PCNX1: variants seen among roughly 807,000 people sequenced by gnomAD.
PCNX1 encodes the protein pecanex 1.
Under a neutral mutation model 242.2 loss-of-function variants are expected in PCNX1, and 78 were observed. The ratio of observed to expected loss-of-function variants is 0.32; its 90% CI spans 0.27 to 0.39. The LOEUF is 0.39. PCNX1 is among the 10% of genes least tolerant of loss of function. PCNX1 has a pLI of 1.00. For missense variants in PCNX1, 2,581 were observed against 2,856.5 expected, an observed-to-expected ratio of 0.90 and a Z score of 2.20; for synonymous variants, 1,024 against 1,032.9, an observed-to-expected ratio of 0.99 and a Z score of 0.17.
rs2062811618 is a variant in PCNX1, at chr14:71,114,302, A to G, written c.*4367A>G. ...TTTGTTTTTAATTTGGTTGATTGAT[A>G]TGCACCCAGGCCGTCTTATTTTTAC... On this transcript the variant is annotated 3_prime_UTR_variant, in exon 36 of 36. Transcript: ENST00000304743. 6.6e-6 allele frequency: 1 copy of G among 152,156 alleles called. No individual in the cohort carries two copies. The highest frequency in any genetic ancestry group is 2.4e-5 in the African/African-American group (1 of 41,438). 9.4% of individuals were successfully genotyped at this position (152,156 alleles called of 1,614,324 possible). A position where few individuals can be genotyped will look rare whatever the true frequency, so the allele number is the denominator to read the frequency against.
chr14:71,025,542 T>C (rs1271759512), intron 13 of PCNX1, among the ~76,000 whole-genome samples: 1 of 152,112 alleles, frequency 6.6e-6, no homozygotes, highest in Non-Finnish European at 1.5e-5. Context: ...AGCTAGGAAG[T>C]GTATGTATGT....
chr14:71,039,479 G>A (rs916169129), intron 19 of PCNX1, among the ~76,000 whole-genome samples: 2 of 152,190 alleles, frequency 1.3e-5, no homozygotes, highest in African/African-American at 4.8e-5. Flanking sequence ...TTCCCCCAGA[G>A]CAAGTGGTCC....
rs1364543821 is a variant in PCNX1 at position 71,111,313 on chromosome 14, T to A, written c.*1378T>A. Reference sequence around the variant, plus strand: ...AAATCCTTGATAAAATTTTCCCTTTTGGTGTGAAACTCCAAAGAAAATTGT... The same window carrying A: ...AAATCCTTGATAAAATTTTCCCTTTAGGTGTGAAACTCCAAAGAAAATTGT... On this transcript the variant is annotated 3_prime_UTR_variant, in exon 36 of 36. Coordinates refer to ENST00000304743, the MANE Select transcript of PCNX1 (RefSeq NM_014982.3). 6.6e-6 allele frequency: 1 copy of A among 152,658 alleles called. No individual in the cohort carries two copies. The highest frequency in any genetic ancestry group is 1.9e-4 in the East Asian group (1 of 5,206). 9.5% of individuals were successfully genotyped at this position (152,658 alleles called of 1,614,324 possible). A position where few individuals can be genotyped will look rare whatever the true frequency, so the allele number is the denominator to read the frequency against.
intron 26 of PCNX1, among the ~76,000 whole-genome samples, chr14:71,071,517 C>G (rs1226253823): frequency 6.6e-6 from 1 of 152,074 alleles, no homozygotes; most frequent in East Asian, 1.9e-4. Context: ...AGTGAGTCCT[C>G]ATGTGATCTG....
chr14:70,985,379 A>T (rs997504583), intron 6 of PCNX1, among the ~76,000 whole-genome samples: 12 of 151,794 alleles, frequency 7.9e-5, no homozygotes, highest in African/African-American at 2.9e-4. Context: ...CACACCCGCT[A>T]ATTTTTGTAT....
rs1423265351 is a variant in PCNX1, at chr14:71,109,813, C to T, written c.6904C>T (p.Pro2302Ser). The change falls in exon 36 of 36, where the codon CCT becomes TCT. Residue 2302 changes from proline to serine, a missense_variant. Coordinates refer to ENST00000304743, the MANE Select transcript of PCNX1 (RefSeq NM_014982.3). The stretch of plus-strand genomic sequence containing the variant: ...TCATTAGGTGATTCACCGATGGGTG[C>T]CTTGCAGCAGAGATCCAGGTACCAG... ...MEGHVIHRWV[P>S]CSRDPGTRSH... The T allele has an allele frequency of 6.2e-7, 1 of 1,613,686 alleles. No homozygotes were observed. Among genetic ancestry groups the T allele is most frequent in the East Asian group, 2.2e-5 (1 of 44,864 alleles).
chr14:70,988,792 G>T, intron 7 of PCNX1, 93 bp downstream of exon 7: 1 of 1,421,076 alleles, frequency 7.0e-7, no homozygotes, highest in Non-Finnish European at 9.6e-7. Context: ...GAAGAGCTTT[G>T]TTTTTCTTTT....
chr14:70,993,858 TTAGA>T (rs2059246816), intron 7 of PCNX1, among the ~76,000 whole-genome samples: 1 of 152,232 alleles, frequency 6.6e-6, no homozygotes, highest in East Asian at 1.9e-4. Flanking sequence ...GTGGATAAGT[TTAGA>T]TAGATTCTGA....
chr14:70,982,341 A>G (rs2058862979), intron 6 of PCNX1, among the ~76,000 whole-genome samples: 4 of 152,238 alleles, frequency 2.6e-5, no homozygotes, highest in Non-Finnish European at 4.4e-5. Flanking sequence ...AAGCTGAAGT[A>G]ATGACAGCAG....
In PCNX1 at chr14:71,108,649, A is replaced by G; in HGVS notation, c.6347A>G (p.Gln2116Arg). ...SHSVQSGLVR[Q>R]SPARASVASQ... ...TCTGTGCAGTCGGGCCTGGTCAGAC[A>G]GTCTCCTGCCCGGGCCTCAGTAGCC... is the stretch of plus-strand genomic sequence containing the variant. Residue 2116 changes from glutamine (Q) to arginine (R), a missense_variant, in exon 34 of 36, where the codon CAG becomes CGG. Gln to Arg is a conservative substitution (Grantham distance 43, BLOSUM62 1). Transcript: ENST00000304743. The G allele has an allele frequency of 6.2e-7, 1 of 1,614,134 alleles. No individual in the cohort carries two copies. The highest frequency in any genetic ancestry group is 1.1e-5 in the South Asian group (1 of 91,070).
chr14:71,005,001 A>G (rs1595208395), intron 8 of PCNX1, among the ~76,000 whole-genome samples: 1 of 152,168 alleles, frequency 6.6e-6, no homozygotes, highest in Non-Finnish European at 1.5e-5. Context: ...AAGTCAGTGT[A>G]GACAGTGCAT....
rs1177990388 is a variant in PCNX1, at chr14:70,977,474, T to C, written c.1137T>C (p.Ser379=). ...TGAGGAGCCTGAGCACACGGAGTAG[T>C]GGGTCAACAGAAAGCTACTGCAGTG... The part of the protein sequence containing the change: ...DSLRSLSTRS[S]GSTESYCSGT... Residue 379 remains serine (S), a synonymous_variant, in exon 6 of 36, where the codon AGT becomes AGC. Transcript: ENST00000304743. The C allele has an allele frequency of 6.2e-7, 1 of 1,614,014 alleles. No individual in the cohort carries two copies. Among genetic ancestry groups the C allele is most frequent in the Non-Finnish European group, 8.5e-7 (1 of 1,180,004 alleles).
intron 1 of PCNX1, among the ~76,000 whole-genome samples, chr14:70,922,822 T>C (rs1216698922): frequency 3.3e-5 from 5 of 151,774 alleles, no homozygotes; most frequent in Admixed American, 6.6e-5. Context: ...CACTTACGTA[T>C]ATAAGACTTG....
chr14:71,024,363 T>C (rs2060182776), intron 13 of PCNX1, among the ~76,000 whole-genome samples: 1 of 152,200 alleles, frequency 6.6e-6, no homozygotes, highest in African/African-American at 2.4e-5. Flanking sequence ...TCCTTGATTA[T>C]GTTTAGTCTC....
chr14:70,965,277 C>T lies in PCNX1; in HGVS notation c.469-2921C>T, dbSNP rs574836829. The T allele has an allele frequency of 2.0e-5, 3 of 152,192 alleles. No homozygotes were observed. The South Asian group carries it at 6.2e-4, about 32-fold the overall frequency. 9.4% of individuals were successfully genotyped at this position (152,192 alleles called of 1,614,324 possible). On this transcript the variant is annotated intron_variant, in intron 3 of 35. Coordinates refer to ENST00000304743, the MANE Select transcript of PCNX1 (RefSeq NM_014982.3). ...GCCCAATAGTATTCAAGGCATTCTACTTAGTGTGGGTTGGGGAGTGGGTCT... is the reference window on the plus strand; with the variant it reads ...GCCCAATAGTATTCAAGGCATTCTATTTAGTGTGGGTTGGGGAGTGGGTCT...
At chr14:70,940,750 A>G (rs1312908333) in intron 1 of PCNX1, among the ~76,000 whole-genome samples, 1 of 152,104 alleles carries the variant, frequency 6.6e-6, no homozygotes, top group Non-Finnish European at 1.5e-5. Context: ...TCTCCCTGTC[A>G]CTTTCAGGTA....
At chr14:70,976,590 G>T (rs890995950) in intron 5 of PCNX1, among the ~76,000 whole-genome samples, 3 of 152,054 alleles carry the variant, frequency 2.0e-5, no homozygotes, top group Non-Finnish European at 4.4e-5. Flanking sequence ...AGCCAGGATG[G>T]TCTTGATCTC....
intron 16 of PCNX1, among the ~76,000 whole-genome samples, chr14:71,031,304 T>C (rs1415530961): frequency 2.0e-5 from 3 of 152,222 alleles, no homozygotes; most frequent in Non-Finnish European, 4.4e-5. Context: ...CATCCCTTCC[T>C]AGCACTTGGT....
chr14:71,057,797 A>C, intron 26 of PCNX1, 73 bp downstream of exon 26: 332 of 973,982 alleles, frequency 3.4e-4, no homozygotes, highest in Non-Finnish European at 4.3e-4. Flanking sequence ...TTTCTATCTC[A>C]AACCAGAAGT....
Sources: gnomAD v4.1 joint callset for allele counts (sites outside exome capture counted in the v4.1 genomes callset) on GRCh38, gnomAD v4.1.1 for gene constraint, MANE v1.5 for transcripts, NCBI Gene and HGNC (gene_info 2026-07-23, HGNC 2026-07-21) for gene names.